Variants in B3GLCT observed in about 807,000 individuals in gnomAD.
B3GLCT encodes beta-1,3-glucosyltransferase.
In B3GLCT, 65 loss-of-function variants were observed where a neutral mutation model predicts 63.4. The ratio of observed to expected loss-of-function variants is 1.03; its 90% CI spans 0.84 to 1.26. The LOEUF is 1.26. B3GLCT is among the 50% of genes most tolerant of loss of function. B3GLCT has a pLI of 0.00. For missense variants in B3GLCT, 577 were observed against 604.8 expected, an observed-to-expected ratio of 0.95 and a Z score of 0.48; for synonymous variants, 233 against 219.2, an observed-to-expected ratio of 1.06 and a Z score of -0.55.
intron 11 of B3GLCT, among the ~76,000 whole-genome samples, chr13:31,285,604 TA>T (rs11339832): frequency 0.52 from 43,227 of 83,216 alleles, 11,785 homozygotes; most frequent in East Asian, 0.64. Flanking sequence ...CTTTTATGAG[TA>T]AAAAAAAAAA....
intron 2 of B3GLCT, among the ~76,000 whole-genome samples, chr13:31,215,804 G>A (rs1869531911): frequency 6.6e-6 from 1 of 152,116 alleles, no homozygotes; most frequent in Non-Finnish European, 1.5e-5. Flanking sequence ...AACCTGATTA[G>A]TCTCTCCTTG....
chr13:31,311,789 G>A (rs1256589971), intron 12 of B3GLCT: 2 of 152,158 alleles, frequency 1.3e-5, no homozygotes, highest in Admixed American at 1.3e-4. Context: ...GAGTTCCCAA[G>A]GAATCGATTC....
chr13:31,288,943 T>C (rs1334683488), intron 12 of B3GLCT, among the ~76,000 whole-genome samples: 1 of 152,094 alleles, frequency 6.6e-6, no homozygotes, highest in East Asian at 1.9e-4. Flanking sequence ...ATATTGATTT[T>C]AAAGAACCTC....
intron 6 of B3GLCT, among the ~76,000 whole-genome samples, chr13:31,250,925 C>T (rs1037772364): frequency 2.6e-5 from 4 of 152,190 alleles, no homozygotes; most frequent in South Asian, 4.1e-4. Flanking sequence ...CTGGGAGACA[C>T]CTCCCAGTAG....
chr13:31,212,459 G>C (rs1162691806), intron 1 of B3GLCT, among the ~76,000 whole-genome samples: 5 of 151,958 alleles, frequency 3.3e-5, no homozygotes, highest in South Asian at 4.1e-4. Flanking sequence ...ATTTTTAGTA[G>C]AGATGGGGTT....
intron 8 of B3GLCT, among the ~76,000 whole-genome samples, chr13:31,273,735 G>A (rs1872666235): frequency 6.6e-6 from 1 of 152,076 alleles, no homozygotes; most frequent in South Asian, 2.1e-4. Context: ...GTTGCTAGTG[G>A]GTTATACTGA....
chr13:31,217,845 G>A (rs1476375148), intron 2 of B3GLCT, among the ~76,000 whole-genome samples: 1 of 152,178 alleles, frequency 6.6e-6, no homozygotes, highest in Admixed American at 6.5e-5. Context: ...TTGAAATATA[G>A]TTTGAAGTCA....
At chr13:31,234,040 T>A (rs1449370433) in intron 4 of B3GLCT, among the ~76,000 whole-genome samples, 6 of 151,196 alleles carry the variant, frequency 4.0e-5, no homozygotes, top group Non-Finnish European at 5.9e-5. Context: ...GTTTTTGAGA[T>A]AGAGTCTCAC....
At chr13:31,323,418 T>G (rs906698098) in intron 13 of B3GLCT, among the ~76,000 whole-genome samples, 1 of 152,278 alleles carries the variant, frequency 6.6e-6, no homozygotes, top group Non-Finnish European at 1.5e-5. Context: ...ACTGAACTTA[T>G]GAACCATATT....
At chr13:31,311,285 C>A (rs575881940) in intron 12 of B3GLCT, 4 of 152,338 alleles carry the variant, frequency 2.6e-5, no homozygotes, top group Non-Finnish European at 5.9e-5. Context: ...AATATCACAC[C>A]AGGACAGTGG....
At chr13:31,244,938 T>A (rs1480696583) in intron 4 of B3GLCT, among the ~76,000 whole-genome samples, 1 of 150,654 alleles carries the variant, frequency 6.6e-6, no homozygotes, top group Non-Finnish European at 1.5e-5. Context: ...GAGAGTGTTA[T>A]TAACAAGGCA....
intron 2 of B3GLCT, among the ~76,000 whole-genome samples, chr13:31,222,414 C>G (rs1042320939): frequency 6.6e-6 from 1 of 152,148 alleles, no homozygotes; most frequent in Non-Finnish European, 1.5e-5. Context: ...ATAGGCTGGC[C>G]TCTGAGGCCC....
chr13:31,250,093 G>T (rs1180756759), intron 6 of B3GLCT, among the ~76,000 whole-genome samples: 1 of 152,054 alleles, frequency 6.6e-6, no homozygotes, highest in Admixed American at 6.5e-5. Flanking sequence ...TTTGTATGTT[G>T]TTTGAAGTCT....
intron 12 of B3GLCT, chr13:31,311,372 G>C (rs1170334789): frequency 6.6e-6 from 1 of 152,276 alleles, no homozygotes. Context: ...AGGAAATCCT[G>C]GATACAGCGT....
At position 31,274,400 on chromosome 13, in the gene B3GLCT, C is replaced by G; in HGVS notation, c.661-109C>G. 2.1e-6 allele frequency: 3 copies of G among 1,413,670 alleles called. No homozygotes were observed. In the South Asian group the frequency reaches 3.5e-5, roughly 16 times the overall value. The allele number at this position is 1,413,670 out of a possible 1,614,324, so 87.6% of individuals were successfully genotyped here. ...TACTGACAAATTGATATGGTTCAGC[C>G]TACTCTCTATGGAAGATGTGTTCTG... On this transcript the variant is annotated intron_variant, in intron 8 of 14. Coordinates refer to ENST00000343307, the MANE Select transcript of B3GLCT (RefSeq NM_194318.4).
chr13:31,274,804 A>G (rs556957413), intron 9 of B3GLCT, among the ~76,000 whole-genome samples, 176 bp downstream of exon 9: 21 of 152,302 alleles, frequency 1.4e-4, no homozygotes, highest in African/African-American at 5.1e-4. Flanking sequence ...CTGTCACCCA[A>G]ATAGTGAACA....
chr13:31,301,262 G>A (rs541062721), intron 12 of B3GLCT, among the ~76,000 whole-genome samples: 1 of 152,182 alleles, frequency 6.6e-6, no homozygotes, highest in Non-Finnish European at 1.5e-5. Flanking sequence ...AGCCCCAGGA[G>A]GTACTCTGCA....
At chr13:31,239,039 T>C (rs543047081) in intron 4 of B3GLCT, among the ~76,000 whole-genome samples, 39 of 152,358 alleles carry the variant, frequency 2.6e-4, no homozygotes, top group African/African-American at 8.9e-4. Flanking sequence ...GACATAGGTT[T>C]AGAACATAGT....
chr13:31,224,452 G>A (rs1832683194), intron 3 of B3GLCT, among the ~76,000 whole-genome samples: 1 of 152,042 alleles, frequency 6.6e-6, no homozygotes, highest in Non-Finnish European at 1.5e-5. Context: ...TACCTAACTT[G>A]GTATCAGTTC....
Sources: allele counts gnomAD v4.1 joint callset (sites outside exome capture counted in the v4.1 genomes callset), GRCh38; gene constraint gnomAD v4.1.1; transcripts MANE v1.5; gene names NCBI Gene and HGNC (gene_info 2026-07-23, HGNC 2026-07-21).